DLG2: variants seen among roughly 807,000 people sequenced by gnomAD.
The protein encoded by DLG2 is disks large homolog 2.
In DLG2, 45 loss-of-function variants were observed where a neutral mutation model predicts 132.5. The ratio of observed to expected loss-of-function variants is 0.34; its 90% confidence interval spans 0.27 to 0.44. The LOEUF is 0.44. DLG2 is among the 20% of genes least tolerant of loss of function. The pLI, the probability that DLG2 is intolerant of heterozygous loss-of-function variation, is 1.00. For synonymous variants in DLG2, 424 were observed against 419.6 expected, an observed-to-expected ratio of 1.01 and a Z score of -0.13; for missense variants, 1,045 against 1,196.9, an observed-to-expected ratio of 0.87 and a Z score of 1.87.
chr11:84,916,175 C>T (rs1462809396), intron 6 of DLG2, among the ~76,000 whole-genome samples: 1 of 150,948 alleles, frequency 6.6e-6, no homozygotes, highest in Non-Finnish European at 1.5e-5. Flanking sequence ...GAAACCCCGT[C>T]TCTACTAAAA....
At chr11:85,136,083 T>A (rs2076125052) in intron 5 of DLG2, among the ~76,000 whole-genome samples, 1 of 152,214 alleles carries the variant, frequency 6.6e-6, no homozygotes, top group African/African-American at 2.4e-5. Flanking sequence ...TATACCTTTA[T>A]ACAATCAGTT....
chr11:85,581,480 T>C (rs1371554724), intron 3 of DLG2, among the ~76,000 whole-genome samples: 3 of 150,140 alleles, frequency 2.0e-5, no homozygotes, highest in Non-Finnish European at 3.0e-5. Context: ...TAGCTGGGCG[T>C]GGTGGCGTGC....
intron 18 of DLG2, among the ~76,000 whole-genome samples, chr11:83,699,438 T>C (rs896440105): frequency 4.6e-5 from 7 of 151,766 alleles, no homozygotes; most frequent in African/African-American, 1.7e-4. Context: ...GGCTCACGCC[T>C]GTAATCGCAG....
chr11:84,158,698 C>T (rs148025067), intron 9 of DLG2, among the ~76,000 whole-genome samples: 3 of 152,018 alleles, frequency 2.0e-5, no homozygotes, highest in African/African-American at 7.3e-5. Context: ...TGTAAATGCA[C>T]GTGGCAAATA....
chr11:84,194,962 C>G (rs776454742), intron 8 of DLG2, among the ~76,000 whole-genome samples: 2 of 152,180 alleles, frequency 1.3e-5, no homozygotes, highest in African/African-American at 4.8e-5. Context: ...CTCACTCGCA[C>G]CTCTCCCTCC....
At chr11:84,638,725 C>A (rs1030636235) in intron 6 of DLG2, among the ~76,000 whole-genome samples, 1 of 152,114 alleles carries the variant, frequency 6.6e-6, no homozygotes, top group African/African-American at 2.4e-5. Context: ...CCATAACTCA[C>A]CATGGGACTT....
intron 11 of DLG2, among the ~76,000 whole-genome samples, chr11:84,051,635 A>AG (rs1234572114): frequency 2.5e-5 from 1 of 39,946 alleles, no homozygotes. Flanking sequence ...GGGGTGGGGG[A>AG]GGGGGGAGGG....
chr11:84,659,935 A>G (rs1565586121), intron 6 of DLG2, among the ~76,000 whole-genome samples: 1 of 152,184 alleles, frequency 6.6e-6, no homozygotes, highest in African/African-American at 2.4e-5. Flanking sequence ...AGAGGTGCCA[A>G]ACATGGGGCT....
At chr11:85,428,873 A>C (rs1184207015) in intron 3 of DLG2, among the ~76,000 whole-genome samples, 1 of 152,210 alleles carries the variant, frequency 6.6e-6, no homozygotes, top group African/African-American at 2.4e-5. Flanking sequence ...AAATTGATAG[A>C]CCGCTAGCAA....
rs1406204095 is a variant in DLG2, at chr11:84,256,288, G to GTGGTCA, written c.520-5003_520-4998dup. On this transcript the variant is annotated intron_variant, in intron 7 of 27. Transcript: ENST00000376104. The stretch of plus-strand genomic sequence containing the variant: ...AAATGCCTCTGACATATGTGGACAG[G>GTGGTCA]TGGTCATGAAGCCAACTATGGTGAA... 4.3e-4 allele frequency among the ~76,000 whole-genome samples: 66 copies of GTGGTCA among 152,278 alleles called. 1 individual carries two copies. The highest frequency in any genetic ancestry group is 1.4e-3 in the African/African-American group (58 of 41,556).
chr11:84,943,695 A>G (rs2049800364), intron 6 of DLG2, among the ~76,000 whole-genome samples: 3 of 152,118 alleles, frequency 2.0e-5, no homozygotes, highest in South Asian at 4.2e-4. Context: ...TATACTTTCT[A>G]TGTCTCCAAA....
chr11:85,299,784 A>C (rs890493303), intron 3 of DLG2, among the ~76,000 whole-genome samples: 3 of 152,150 alleles, frequency 2.0e-5, no homozygotes, highest in African/African-American at 7.2e-5. Context: ...TTTTCTAATA[A>C]ATTCCCATGC....
chr11:84,961,231 T>A (rs1402898373), intron 6 of DLG2, among the ~76,000 whole-genome samples: 1 of 151,820 alleles, frequency 6.6e-6, no homozygotes, highest in Non-Finnish European at 1.5e-5. Flanking sequence ...TTGAACTGAA[T>A]GTATAATTGA....
chr11:84,179,182 T>G (rs893263071), intron 8 of DLG2, among the ~76,000 whole-genome samples: 10 of 152,132 alleles, frequency 6.6e-5, no homozygotes, highest in African/African-American at 2.2e-4. Flanking sequence ...CAAAATCTCA[T>G]GAAAATTTTG....
chr11:85,332,150 T>C (rs1448714871), intron 3 of DLG2, among the ~76,000 whole-genome samples: 1 of 152,240 alleles, frequency 6.6e-6, no homozygotes, highest in Non-Finnish European at 1.5e-5. Context: ...TTTTTAATAA[T>C]AGCTACTCTG....
chr11:84,045,223 A>G (rs1439868181), intron 11 of DLG2, among the ~76,000 whole-genome samples: 1 of 151,682 alleles, frequency 6.6e-6, no homozygotes, highest in Non-Finnish European at 1.5e-5. Flanking sequence ...TTTTATATCT[A>G]TATGTGCTGG....
chr11:84,777,305 A>ATATATATATATATATATATATATT (rs2070802668), intron 6 of DLG2, among the ~76,000 whole-genome samples: 2 of 133,516 alleles, frequency 1.5e-5, no homozygotes, highest in African/African-American at 2.7e-5. Context: ...ATATATATAT[A>ATATATATATATATATATATATATT]TATATATATA....
chr11:84,699,920 G>A (rs1437233652), intron 6 of DLG2, among the ~76,000 whole-genome samples: 1 of 151,560 alleles, frequency 6.6e-6, no homozygotes, highest in Non-Finnish European at 1.5e-5. Context: ...GTCAAATGTA[G>A]GCTGTACCAC....
intron 6 of DLG2, among the ~76,000 whole-genome samples, chr11:85,054,243 G>A (rs1466476933): frequency 2.7e-5 from 4 of 149,102 alleles, no homozygotes; most frequent in African/African-American, 5.0e-5. Context: ...CCAGCCTGGC[G>A]ACAGAACGAG....
Sources: allele counts gnomAD v4.1 joint callset (sites outside exome capture counted in the v4.1 genomes callset), GRCh38; gene constraint gnomAD v4.1.1; transcripts MANE v1.5; gene names NCBI Gene and HGNC (gene_info 2026-07-23, HGNC 2026-07-21).